Variants in CDR2 observed in about 807,000 individuals in gnomAD.
The protein encoded by CDR2 is cerebellar degeneration related protein 2.
CDR2 carries 34 observed loss-of-function variants against 48.4 expected under a neutral mutation model. That is an observed-to-expected ratio of 0.70 (90% confidence interval 0.53 to 0.94). The LOEUF (loss-of-function observed/expected upper bound fraction) is 0.94. Among genes scored for constraint, CDR2 ranks in the 40% least tolerant of loss-of-function variants. The pLI is 0.00. For missense variants in CDR2, 498 were observed against 549.5 expected (o/e 0.91, Z 0.94); for synonymous variants, 240 against 219.7 (o/e 1.09, Z -0.82).
At chr16:22,372,827 CATTTT>C (rs2141856789) in intron 1 of CDR2, among the ~76,000 whole-genome samples, 1 of 152,282 alleles carries the variant, frequency 6.6e-6, no homozygotes, top group African/African-American at 2.4e-5. Flanking sequence ...AAGAGGTGCT[CATTTT>C]ATTTTCCTTT....
At chr16:22,371,871 TGTGTG>T (rs2049080540) in intron 1 of CDR2, among the ~76,000 whole-genome samples, 3 of 151,774 alleles carry the variant, frequency 2.0e-5, no homozygotes, top group African/African-American at 7.3e-5. Context: ...TGTGTGTGTG[TGTGTG>T]TGTGTGTGTT....
intron 4 of CDR2, among the ~76,000 whole-genome samples, chr16:22,348,809 A>T (rs2048923248): frequency 6.6e-6 from 1 of 152,216 alleles, no homozygotes; most frequent in South Asian, 2.1e-4. Context: ...GAAAGCTCAC[A>T]GGGGTAGAAA....
chr16:22,357,411 A>G (rs1776892935), intron 2 of CDR2, among the ~76,000 whole-genome samples: 2 of 152,194 alleles, frequency 1.3e-5, no homozygotes, highest in African/African-American at 4.8e-5. Flanking sequence ...GACACACAGT[A>G]GGGGACAAAA....
At chr16:22,369,537 C>G (rs1350886669) in intron 1 of CDR2, among the ~76,000 whole-genome samples, 1 of 152,016 alleles carries the variant, frequency 6.6e-6, no homozygotes, top group Non-Finnish European at 1.5e-5. Context: ...AAACAAAGCA[C>G]CAGCCTGGCT....
intron 2 of CDR2, among the ~76,000 whole-genome samples, chr16:22,353,423 T>C (rs904732446): frequency 5.3e-5 from 8 of 152,198 alleles, no homozygotes; most frequent in African/African-American, 1.9e-4. Flanking sequence ...TTTTCTAATG[T>C]GAGTTCTCCT....
At chr16:22,369,688 G>C (rs1324883946) in intron 1 of CDR2, among the ~76,000 whole-genome samples, 1 of 152,108 alleles carries the variant, frequency 6.6e-6, no homozygotes, top group Non-Finnish European at 1.5e-5. Flanking sequence ...AAAGACACCG[G>C]ACTTTGTCTT....
intron 2 of CDR2, among the ~76,000 whole-genome samples, chr16:22,359,884 C>CACA (rs10687926): frequency 0.24 from 37,062 of 151,986 alleles, 7,951 homozygotes; most frequent in African/African-American, 0.58. Context: ...CATGAATAAA[C>CACA]ACAACAGTGC....
chr16:22,349,452 AAC>A lies in CDR2; in HGVS notation c.342-11_342-10del. On this transcript the variant is annotated splice_polypyrimidine_tract_variant and intron_variant, in intron 3 of 4. Coordinates refer to ENST00000268383, the MANE Select transcript of CDR2 (RefSeq NM_001802.2). The stretch of plus-strand genomic sequence containing the variant: ...CAATCGTTTCAGTCAGGCTGTGAGG[AAC>A]AGACAGAAGCCACTGCTGCTTGTCA... The A allele has an allele frequency of 6.2e-7, 1 of 1,614,038 alleles. No individual in the cohort carries two copies. The highest frequency in any genetic ancestry group is 1.1e-5 in the South Asian group (1 of 91,070).
chr16:22,374,259 C>T lies in CDR2; in HGVS notation c.51G>A (p.Pro17=). ...VEEFEMKEDE[P]WYDHQDLQQD... ...GCTGGAGGTCCTGGTGGTCGTACCA[C>T]GGCTCGTCCTCCTTCATCTCAAACT... Residue 17 remains proline, a synonymous_variant, in exon 1 of 5, where the codon CCG becomes CCA. Transcript: ENST00000268383. 2 of 1,603,582 alleles carry T rather than the reference C, an allele frequency of 1.2e-6. No individual in the cohort carries two copies. The highest frequency in any genetic ancestry group is 1.7e-6 in the Non-Finnish European group (2 of 1,175,658).
intron 2 of CDR2, among the ~76,000 whole-genome samples, chr16:22,354,810 C>T (rs2048963689): frequency 6.6e-6 from 1 of 152,128 alleles, no homozygotes. Flanking sequence ...ATGAGAATCA[C>T]TTGAACCCAG....
At chr16:22,368,027 G>C (rs2049054055) in intron 1 of CDR2, among the ~76,000 whole-genome samples, 1 of 152,028 alleles carries the variant, frequency 6.6e-6, no homozygotes, top group East Asian at 1.9e-4. Context: ...TTCGAGACCA[G>C]CCAGGGCAAC....
chr16:22,365,186 G>C (rs928479671), intron 1 of CDR2, 172 bp from the exon 2 acceptor site: 2 of 565,036 alleles, frequency 3.5e-6, no homozygotes, highest in Non-Finnish European at 6.3e-6. Flanking sequence ...GACGCCTCCA[G>C]CAGGTAATGT....
In CDR2 at chr16:22,347,808, A is replaced by T. The variant is rs2048917415; in HGVS notation, c.522T>A (p.Asp174Glu). The T allele has an allele frequency of 6.2e-7, 1 of 1,612,566 alleles. No individual in the cohort carries two copies. Among genetic ancestry groups the T allele is most frequent in the Non-Finnish European group, 8.5e-7 (1 of 1,179,460 alleles). ...AAGTGATCTTCTCAGCGAACACATG[A>T]TCATACACGAAGTGTCTAGGGAAAA... ...LYDLRQHFVYDHVFAEKITSL... is the reference protein window; with the variant it reads ...LYDLRQHFVYEHVFAEKITSL... Residue 174 changes from aspartate to glutamate, a missense_variant, in exon 5 of 5, where the codon GAT (aspartate) becomes GAA (glutamate). Transcript: ENST00000268383.
Position 22,374,318 on chromosome 16 carries a change from G to A in CDR2, c.-9C>T, listed in dbSNP as rs778169601. 4 of 1,584,706 alleles carry A rather than the reference G, an allele frequency of 2.5e-6. No homozygotes were observed. The highest frequency in any genetic ancestry group is 2.4e-5 in the East Asian group (1 of 42,136). On this transcript the variant is annotated 5_prime_UTR_variant, in exon 1 of 5. Transcript: ENST00000268383. ...AGGTTTTCCGCCAGCATCTCGGCTG[G>A]GTCTTCTAGGGGCAGCGGCCCCCGC...
chr16:22,347,660 C>T lies in CDR2; in HGVS notation c.670G>A (p.Gly224Arg). 1 of 1,614,102 alleles carries T rather than the reference C, an allele frequency of 6.2e-7. No individual in the cohort carries two copies. The highest frequency in any genetic ancestry group is 1.1e-5 in the South Asian group (1 of 91,078). ...TCACTGTTCTCCTTTAACACGAGCC[C>T]ATATTCCTCCTCCATAGTCACCCGC... ...QKRVTMEEEY[G>R]LVLKENSELE... Residue 224 changes from glycine (G) to arginine (R), a missense_variant, in exon 5 of 5, where the codon GGG becomes AGG. Gly to Arg is a moderately radical substitution (Grantham distance 125, BLOSUM62 -2). Coordinates refer to ENST00000268383, the MANE Select transcript of CDR2 (RefSeq NM_001802.2).
chr16:22,371,827 T>A (rs2049079679), intron 1 of CDR2, among the ~76,000 whole-genome samples: 1 of 150,036 alleles, frequency 6.7e-6, no homozygotes. Flanking sequence ...GAAATGCAAC[T>A]GGCAGTAAAG....
At chr16:22,352,214 T>C (rs192248771) in intron 2 of CDR2, among the ~76,000 whole-genome samples, 74 of 152,326 alleles carry the variant, frequency 4.9e-4, no homozygotes, top group Admixed American at 3.7e-3. Context: ...ATCGTGCCAC[T>C]GCACTACAGC....
chr16:22,357,409 G>C (rs2048982250), intron 2 of CDR2, among the ~76,000 whole-genome samples: 2 of 152,166 alleles, frequency 1.3e-5, no homozygotes, highest in African/African-American at 4.8e-5. Flanking sequence ...CTGACACACA[G>C]TAGGGGACAA....
intron 1 of CDR2, among the ~76,000 whole-genome samples, chr16:22,372,272 C>T (rs375264405): frequency 6.6e-6 from 1 of 152,160 alleles, no homozygotes; most frequent in East Asian, 1.9e-4. Flanking sequence ...GCACTTGCTG[C>T]TCGGTAGATT....
Sources: gnomAD v4.1 joint callset for allele counts (sites outside exome capture counted in the v4.1 genomes callset) on GRCh38, gnomAD v4.1.1 for gene constraint, MANE v1.5 for transcripts, NCBI Gene and HGNC (gene_info 2026-07-23, HGNC 2026-07-21) for gene names.